PDE10A: variants seen among roughly 807,000 people sequenced by gnomAD.
PDE10A encodes the protein phosphodiesterase 10A.
Under a neutral mutation model 97.7 loss-of-function variants are expected in PDE10A, and 39 were observed. That is an observed-to-expected ratio of 0.40 (90% CI 0.31 to 0.52). The LOEUF (loss-of-function observed/expected upper bound fraction) is 0.52. PDE10A is among the 20% of genes least tolerant of loss of function. PDE10A has a pLI of 0.56. For synonymous variants in PDE10A, 371 were observed against 376.8 expected, an observed-to-expected ratio of 0.98 and a Z score of 0.18; for missense variants, 731 against 1,047.8, an observed-to-expected ratio of 0.70 and a Z score of 4.17.
At chr6:165,859,282 A>G (rs1780835807) in intron 1 of PDE10A, among the ~76,000 whole-genome samples, 1 of 152,184 alleles carries the variant, frequency 6.6e-6, no homozygotes, top group Non-Finnish European at 1.5e-5. Flanking sequence ...CTGTGATTGG[A>G]GGCTTTTTTC....
chr6:165,420,828 C>T (rs1788639195), intron 10 of PDE10A, among the ~76,000 whole-genome samples: 2 of 152,146 alleles, frequency 1.3e-5, no homozygotes, highest in African/African-American at 4.8e-5. Flanking sequence ...TCAACAAATT[C>T]CCGTACAATT....
At chr6:165,639,249 A>G (rs1789017077) in intron 1 of PDE10A, among the ~76,000 whole-genome samples, 1 of 152,194 alleles carries the variant, frequency 6.6e-6, no homozygotes, top group Admixed American at 6.5e-5. Flanking sequence ...CAAACTAGTC[A>G]ATATTCAAAC....
chr6:165,385,276 C>T (rs1286952358), intron 17 of PDE10A, among the ~76,000 whole-genome samples: 6 of 151,954 alleles, frequency 3.9e-5, no homozygotes, highest in South Asian at 2.1e-4. Flanking sequence ...GAGATTGCCA[C>T]CACAGAGATA....
intron 1 of PDE10A, among the ~76,000 whole-genome samples, chr6:165,828,954 A>G (rs112083317): frequency 2.6e-4 from 39 of 152,374 alleles, no homozygotes; most frequent in African/African-American, 9.1e-4. Flanking sequence ...GTTAATCAGT[A>G]AAGTATTGTA....
At chr6:165,648,071 T>TGGC (rs1209424035) in intron 1 of PDE10A, among the ~76,000 whole-genome samples, 1 of 152,196 alleles carries the variant, frequency 6.6e-6, no homozygotes, top group Admixed American at 6.5e-5. Flanking sequence ...TGGAGTGCAG[T>TGGC]GTGCAATCTT....
intron 1 of PDE10A, among the ~76,000 whole-genome samples, chr6:165,560,999 C>A (rs1048323090): frequency 6.6e-6 from 1 of 152,032 alleles, no homozygotes; most frequent in Non-Finnish European, 1.5e-5. Context: ...GCGGGCGGAT[C>A]ACGAGGTCAG....
At chr6:165,391,198 G>A (rs57482051) in intron 16 of PDE10A, among the ~76,000 whole-genome samples, 1 of 152,042 alleles carries the variant, frequency 6.6e-6, no homozygotes, top group Non-Finnish European at 1.5e-5. Flanking sequence ...AGTTCTTTTA[G>A]AGATTAAATT....
intron 1 of PDE10A, among the ~76,000 whole-genome samples, chr6:165,864,087 T>C (rs1425110998): frequency 6.6e-6 from 1 of 152,208 alleles, no homozygotes; most frequent in African/African-American, 2.4e-5. Flanking sequence ...CTTGTCATGT[T>C]ACCACTAAAG....
At chr6:165,372,122 T>C (rs1362144387) in intron 18 of PDE10A, among the ~76,000 whole-genome samples, 1 of 148,666 alleles carries the variant, frequency 6.7e-6, no homozygotes, top group African/African-American at 2.5e-5. Flanking sequence ...GCCAATATCA[T>C]ACTGAATGGG....
intron 1 of PDE10A, among the ~76,000 whole-genome samples, chr6:165,866,582 G>A (rs554340789): frequency 4.2e-4 from 64 of 151,388 alleles, no homozygotes; most frequent in South Asian, 2.3e-3. Context: ...GTTGCAAAGC[G>A]TCCTGTTAAT....
Position 165,962,467 on chromosome 6 carries a change from G to A in PDE10A, c.-615+25062C>T, listed in dbSNP as rs931119762. 3.9e-5 allele frequency among the ~76,000 whole-genome samples: 6 copies of A among 152,322 alleles called. No individual in the cohort carries two copies. The East Asian group carries it at 5.8e-4, about 15-fold the overall frequency. On this transcript the variant is annotated intron_variant, in intron 1 of 19. Transcript: ENST00000366882. ...TTTGGCTACTCATTCAGCTTCGCTC[G>A]GCTGCAGAATTCAGGTGGGAATGCA...
Position 165,430,001 on chromosome 6 carries a change from T to C in PDE10A, c.1601+286A>G, listed in dbSNP as rs1009799213. Among the ~76,000 whole-genome samples the C allele has an allele frequency of 2.6e-5, 4 of 152,232 alleles. No homozygotes were observed. The South Asian group carries it at 8.3e-4, about 32-fold the overall frequency. ...TGTAGCCAGTATTCTCCTGCATAAATAGAGATATTTAGTGTCTTTAACATA... is the reference window on the plus strand; with the variant it reads ...TGTAGCCAGTATTCTCCTGCATAAACAGAGATATTTAGTGTCTTTAACATA... On this transcript the variant is annotated intron_variant, in intron 9 of 21. Transcript: ENST00000539869.
At chr6:165,923,608 T>A (rs564007119) in intron 1 of PDE10A, among the ~76,000 whole-genome samples, 1 of 152,306 alleles carries the variant, frequency 6.6e-6, no homozygotes, top group African/African-American at 2.4e-5. Flanking sequence ...GAGTCCTTCA[T>A]AAAGAGAGTT....
chr6:165,526,988 T>C (rs1380397378), intron 2 of PDE10A, among the ~76,000 whole-genome samples: 3 of 152,158 alleles, frequency 2.0e-5, no homozygotes, highest in Non-Finnish European at 2.9e-5. Flanking sequence ...GCTGATTACA[T>C]CCAGTGAGCA....
At chr6:165,901,332 TTTC>T (rs1358599770) in intron 1 of PDE10A, among the ~76,000 whole-genome samples, 1 of 152,202 alleles carries the variant, frequency 6.6e-6, no homozygotes, top group African/African-American at 2.4e-5. Context: ...TTCAATTCAC[TTTC>T]TAGAGTTATT....
chr6:165,875,729 C>CTGTTTTTTTT lies in PDE10A; in HGVS notation c.-615+111790_-615+111799dup, dbSNP rs749160125. Among the ~76,000 whole-genome samples, 422 of 36,688 alleles carry CTGTTTTTTTT rather than the reference C, an allele frequency of 0.012. 6 individuals carry two copies. In the South Asian group the frequency reaches 0.17, roughly 15 times the overall value. 24.1% of individuals were successfully genotyped at this position (36,688 alleles called of 152,430 possible). A position where few individuals can be genotyped will look rare whatever the true frequency, so the allele number is the denominator to read the frequency against. ...TTCTGATAGGACTTATTTTCTTTTA[C>CTGTTTTTTTT]TGTTTTTTTTTTTTTTTTGTGTGTG... On this transcript the variant is annotated intron_variant, in intron 1 of 19. Coordinates refer to the PDE10A transcript ENST00000366882.
At chr6:165,628,184 C>A (rs372335079) in intron 1 of PDE10A, among the ~76,000 whole-genome samples, 55 of 152,262 alleles carry the variant, frequency 3.6e-4, no homozygotes, top group African/African-American at 1.3e-3. Context: ...TGCACTCAGG[C>A]CAATCTACTT....
At chr6:165,374,492 A>G (rs1784484743) in intron 18 of PDE10A, among the ~76,000 whole-genome samples, 1 of 152,100 alleles carries the variant, frequency 6.6e-6, no homozygotes, top group East Asian at 1.9e-4. Context: ...TCAACAAAGT[A>G]TAAGCAAAAT....
At chr6:165,584,688 T>C (rs955895857) in intron 1 of PDE10A, among the ~76,000 whole-genome samples, 1 of 152,214 alleles carries the variant, frequency 6.6e-6, no homozygotes, top group Non-Finnish European at 1.5e-5. Context: ...AGGAAGAACA[T>C]GTCTGGAATG....
Sources: gnomAD v4.1 joint callset for allele counts (sites outside exome capture counted in the v4.1 genomes callset) on GRCh38, gnomAD v4.1.1 for gene constraint, MANE v1.5 for transcripts, NCBI Gene and HGNC (gene_info 2026-07-23, HGNC 2026-07-21) for gene names.